The following NCKAP5 variants were observed in gnomAD, a reference collection of about 807,000 sequenced individuals.
NCKAP5 encodes nck-associated protein 5.
Under a neutral mutation model 167.0 loss-of-function variants are expected in NCKAP5, and 92 were observed. That is an observed-to-expected ratio of 0.55 (90% confidence interval 0.47 to 0.66). NCKAP5 has a LOEUF of 0.66. NCKAP5 is among the 30% of genes least tolerant of loss of function. The pLI is 0.00. For missense variants in NCKAP5, 2,378 were observed against 2,315.0 expected (o/e 1.03, Z -0.56); for synonymous variants, 891 against 877.4 (o/e 1.02, Z -0.27).
chr2:133,032,790 C>T (rs2078923021), intron 6 of NCKAP5, among the ~76,000 whole-genome samples: 1 of 152,248 alleles, frequency 6.6e-6, no homozygotes, highest in Non-Finnish European at 1.5e-5. Flanking sequence ...GTACAGAAAG[C>T]ATGGTTGGGG....
intron 3 of NCKAP5, among the ~76,000 whole-genome samples, chr2:133,457,761 C>A (rs1476531044): frequency 1.3e-5 from 2 of 152,080 alleles, no homozygotes; most frequent in East Asian, 3.9e-4. Context: ...TTCTCCCTCT[C>A]CCATTTTTTA....
chr2:133,430,763 G>A lies in NCKAP5; in HGVS notation c.69+86695C>T, dbSNP rs867616523. ...TTTTGTACCAGCACCAACTGTGTAT[G>A]TGCATGGTTGTTGATACATGAATAA... On this transcript the variant is annotated intron_variant, in intron 3 of 19. Coordinates refer to ENST00000409261, the MANE Select transcript of NCKAP5 (RefSeq NM_207363.3). 7.2e-5 allele frequency among the ~76,000 whole-genome samples: 11 copies of A among 151,752 alleles called. No homozygotes were observed. The Middle Eastern group carries it at 0.01, about 142-fold the overall frequency.
At chr2:133,103,543 T>G (rs1243375273) in intron 6 of NCKAP5, among the ~76,000 whole-genome samples, 1 of 152,142 alleles carries the variant, frequency 6.6e-6, no homozygotes, top group African/African-American at 2.4e-5. Flanking sequence ...CCTGTAACCT[T>G]AGCACTTTGG....
At chr2:132,759,332 T>C (rs937102894) in intron 16 of NCKAP5, among the ~76,000 whole-genome samples, 2 of 152,204 alleles carry the variant, frequency 1.3e-5, no homozygotes, top group African/African-American at 4.8e-5. Flanking sequence ...TTTCCTGATA[T>C]ACTTGTTAAG....
chr2:133,054,111 A>G (rs1379300117), intron 6 of NCKAP5, among the ~76,000 whole-genome samples: 1 of 152,218 alleles, frequency 6.6e-6, no homozygotes, highest in East Asian at 1.9e-4. Flanking sequence ...ATTTAAGGCT[A>G]AAAGTATCTA....
At chr2:132,722,698 C>T (rs749933777) in intron 19 of NCKAP5, among the ~76,000 whole-genome samples, 5 of 152,150 alleles carry the variant, frequency 3.3e-5, no homozygotes, top group African/African-American at 1.2e-4. Context: ...ACGCAGAACT[C>T]CCATTTCACT....
intron 19 of NCKAP5, among the ~76,000 whole-genome samples, chr2:132,701,759 C>T (rs1244584959): frequency 6.6e-6 from 1 of 152,016 alleles, no homozygotes; most frequent in Non-Finnish European, 1.5e-5. Flanking sequence ...TGTTTCTGTT[C>T]CTACAAAAAA....
At chr2:132,699,334 T>A (rs945599201) in intron 19 of NCKAP5, among the ~76,000 whole-genome samples, 1 of 152,174 alleles carries the variant, frequency 6.6e-6, no homozygotes, top group African/African-American at 2.4e-5. Context: ...CATGATAGAT[T>A]TTTTTTAAAT....
intron 6 of NCKAP5, among the ~76,000 whole-genome samples, chr2:133,036,621 C>T (rs1027012559): frequency 6.6e-6 from 1 of 151,966 alleles, no homozygotes; most frequent in African/African-American, 2.4e-5. Context: ...TTCGACATCA[C>T]TTCATGATAA....
chr2:132,920,727 A>ATACG (rs1474424406), intron 8 of NCKAP5, among the ~76,000 whole-genome samples: 12 of 113,580 alleles, frequency 1.1e-4, no homozygotes, highest in Non-Finnish European at 1.7e-4. Flanking sequence ...ATGTATATAT[A>ATACG]TATATGTATA....
chr2:133,270,412 T>G (rs568667279), intron 4 of NCKAP5, among the ~76,000 whole-genome samples: 1 of 152,246 alleles, frequency 6.6e-6, no homozygotes, highest in African/African-American at 2.4e-5. Flanking sequence ...ATCACCATTT[T>G]GTATACCCAT....
chr2:133,525,530 G>C (rs1406009398), intron 2 of NCKAP5, among the ~76,000 whole-genome samples: 1 of 152,184 alleles, frequency 6.6e-6, no homozygotes, highest in Admixed American at 6.5e-5. Flanking sequence ...AAATTGCTAT[G>C]AATCTGAACT....
At chr2:133,006,207 C>G (rs150130751) in intron 6 of NCKAP5, among the ~76,000 whole-genome samples, 5 of 151,870 alleles carry the variant, frequency 3.3e-5, no homozygotes, top group Admixed American at 3.3e-4. Context: ...TGCAGTGAGC[C>G]GAGATTACAC....
At chr2:133,636,793 C>T in the NCKAP5 span, among the ~76,000 whole-genome samples, 1 of 152,062 alleles carries the variant, frequency 6.6e-6, no homozygotes, top group African/African-American at 2.4e-5. Context: ...GAACAGGACA[C>T]GAAGCCTCCA....
chr2:132,772,169 T>C (rs1244574483), intron 16 of NCKAP5, among the ~76,000 whole-genome samples: 1 of 152,120 alleles, frequency 6.6e-6, no homozygotes, highest in Non-Finnish European at 1.5e-5. Context: ...GGCTATACCA[T>C]CTAGGTTTGT....
At chr2:132,746,397 C>T (rs551367914) in intron 16 of NCKAP5, among the ~76,000 whole-genome samples, 1 of 152,094 alleles carries the variant, frequency 6.6e-6, no homozygotes, top group South Asian at 2.1e-4. Flanking sequence ...AAAATTAACA[C>T]ATAAACCCAA....
intron 5 of NCKAP5, among the ~76,000 whole-genome samples, chr2:133,144,705 G>A (rs181301589): frequency 8.5e-5 from 13 of 152,202 alleles, no homozygotes; most frequent in East Asian, 3.9e-4. Context: ...GTGTGATTAC[G>A]TCTCTGTACA....
intron 8 of NCKAP5, among the ~76,000 whole-genome samples, chr2:132,911,952 C>T (rs1694487721): frequency 2.0e-5 from 3 of 152,022 alleles, no homozygotes; most frequent in East Asian, 1.9e-4. Flanking sequence ...GTTGGAGGCA[C>T]GCCCACAGTG....
chr2:133,347,417 G>A (rs1464636499), intron 3 of NCKAP5, among the ~76,000 whole-genome samples: 1 of 152,124 alleles, frequency 6.6e-6, no homozygotes, highest in Admixed American at 6.5e-5. Context: ...GCCAGGCATG[G>A]TGGCACATTC....
Sources: allele counts gnomAD v4.1 joint callset (sites outside exome capture counted in the v4.1 genomes callset), GRCh38; gene constraint gnomAD v4.1.1; transcripts MANE v1.5; gene names NCBI Gene and HGNC (gene_info 2026-07-23, HGNC 2026-07-21).